Variants in FNBP4 observed in about 807,000 individuals in gnomAD.
The protein encoded by FNBP4 is formin binding protein 4.
Under a neutral mutation model 119.3 loss-of-function variants are expected in FNBP4, and 34 were observed. The observed-to-expected ratio is 0.28, with a 90% CI of 0.22 to 0.38. The LOEUF (loss-of-function observed/expected upper bound fraction) is 0.38. FNBP4 is among the 10% of genes least tolerant of loss of function. The probability of loss-of-function intolerance (pLI) is 1.00; values close to 1 mark genes in which losing one functional copy is unlikely to be tolerated. For synonymous variants in FNBP4, 462 were observed against 430.6 expected (o/e 1.07, Z -0.90); for missense variants, 1,112 against 1,228.9 (o/e 0.90, Z 1.42).
At chr11:47,752,592 TA>T in intron 4 of FNBP4, 1 of 189,856 alleles carries the variant, frequency 5.3e-6, no homozygotes, top group Non-Finnish European at 1.1e-5. Context: ...GCTGATTTCC[TA>T]AGCTCAGGAG....
Position 47,753,058 on chromosome 11 carries a change from T to C in FNBP4, c.495A>G (p.Gly165=). Residue 165 remains glycine, a synonymous_variant, in exon 4 of 17, where the codon GGA becomes GGG. Transcript: ENST00000263773. Reference sequence around the variant, plus strand: ...GTGGAGTTGGAGGTGGAGCAGAAGCTCCTACAGGAGCTGCAGGCTGAGGAG... The same window carrying C: ...GTGGAGTTGGAGGTGGAGCAGAAGCCCCTACAGGAGCTGCAGGCTGAGGAG... The part of the protein sequence containing the change: ...ITAPQPAAPV[G]ASAPPPTPPR... 6.2e-7 allele frequency: 1 copy of C among 1,614,048 alleles called. No homozygotes were observed. The highest frequency in any genetic ancestry group is 1.3e-5 in the African/African-American group (1 of 75,032).
intron 5 of FNBP4, 34 bp downstream of exon 5, chr11:47,751,109 T>C: frequency 6.2e-7 from 1 of 1,613,572 alleles, no homozygotes; most frequent in South Asian, 1.1e-5. Context: ...TTCAATTTCC[T>C]TCTAGGCAAT....
chr11:47,748,153 C>T (rs1260483840), intron 6 of FNBP4, among the ~76,000 whole-genome samples: 5 of 151,802 alleles, frequency 3.3e-5, no homozygotes, highest in Non-Finnish European at 5.9e-5. Context: ...GCAGGAGAAT[C>T]GCTTGAACCC....
At chr11:47,728,532 G>GT (rs2097563797) in intron 12 of FNBP4, among the ~76,000 whole-genome samples, 1 of 151,926 alleles carries the variant, frequency 6.6e-6, no homozygotes, top group Admixed American at 6.6e-5. Flanking sequence ...GCCGTGAGCT[G>GT]TAATTTTTCC....
intron 7 of FNBP4, 115 bp from the exon 8 acceptor site, chr11:47,744,278 C>T (rs1390052280): frequency 2.9e-5 from 23 of 783,490 alleles, no homozygotes; most frequent in Non-Finnish European, 3.8e-5. Context: ...ACAGAAAGCA[C>T]TTTTTTTTTT....
rs1382477919 is a variant in FNBP4 at position 47,750,713 on chromosome 11, A to G, written c.906+203T>C. Reference sequence around the variant, plus strand: ...CAAAAAAAAAAAAAAAAAAAAAAAAAAAAAGAAAAAAGAAAAAAGAAAAAG... The same window carrying G: ...CAAAAAAAAAAAAAAAAAAAAAAAAGAAAAGAAAAAAGAAAAAAGAAAAAG... On this transcript the variant is annotated intron_variant, in intron 6 of 16. Transcript: ENST00000263773. 6.9e-5 allele frequency among the ~76,000 whole-genome samples: 9 copies of G among 130,554 alleles called. No individual in the cohort carries two copies. The East Asian group carries it at 8.0e-4, about 12-fold the overall frequency. 85.6% of individuals were successfully genotyped at this position (130,554 alleles called of 152,430 possible). A position where few individuals can be genotyped will look rare whatever the true frequency, so the allele number is the denominator to read the frequency against.
chr11:47,746,013 T>C, intron 7 of FNBP4, 43 bp downstream of exon 7: 2 of 1,484,016 alleles, frequency 1.3e-6, no homozygotes, highest in Non-Finnish European at 1.8e-6. Flanking sequence ...TGTAGAGTAG[T>C]ACTGAGGAAA....
At chr11:47,740,052 G>A (rs903920076) in intron 8 of FNBP4, among the ~76,000 whole-genome samples, 1 of 151,670 alleles carries the variant, frequency 6.6e-6, no homozygotes, top group African/African-American at 2.4e-5. Flanking sequence ...CGTCTGTCTC[G>A]GTCTCCCAAA....
intron 6 of FNBP4, among the ~76,000 whole-genome samples, 196 bp downstream of exon 6, chr11:47,750,720 A>G (rs1365587823): frequency 6.7e-6 from 1 of 148,918 alleles, no homozygotes; most frequent in African/African-American, 2.5e-5. Context: ...AAAAAAAAGA[A>G]AAAAGAAAAA....
rs570818232 is a variant in FNBP4, at chr11:47,746,224, A to G, written c.1077T>C (p.Ser359=). Residue 359 remains serine (S), a synonymous_variant, in exon 7 of 17, where the codon AGT becomes AGC. Coordinates refer to ENST00000263773, the MANE Select transcript of FNBP4 (RefSeq NM_015308.5). ...EEPVSEVKET[S]TTVEEATTIV... is the part of the protein sequence containing the mutation. ...TTGTTGTTGCTTCTTCTACTGTTGTACTTGTTTCTTTTACTTCTGAAACTG... is the reference window on the plus strand; with the variant it reads ...TTGTTGTTGCTTCTTCTACTGTTGTGCTTGTTTCTTTTACTTCTGAAACTG... 1.9e-6 allele frequency: 3 copies of G among 1,614,030 alleles called. No homozygotes were observed. In the East Asian group the frequency reaches 6.7e-5, roughly 36 times the overall value.
chr11:47,726,986 A>C (rs1031128819), intron 12 of FNBP4: 1 of 152,346 alleles, frequency 6.6e-6, no homozygotes, highest in Non-Finnish European at 1.5e-5. Context: ...CTGCACTCGG[A>C]CCAGCCAGAT....
In FNBP4 at chr11:47,732,567, G is replaced by C; in HGVS notation, c.1790C>G (p.Thr597Ser). 6.2e-7 allele frequency: 1 copy of C among 1,614,176 alleles called. No individual in the cohort carries two copies. Among genetic ancestry groups the C allele is most frequent in the Non-Finnish European group, 8.5e-7 (1 of 1,180,036 alleles). Residue 597 changes from threonine to serine, a missense_variant, in exon 11 of 17, where the codon ACT becomes AGT. Around this residue, in one of 2 missense-constraint regions of FNBP4, gnomAD observed 826 missense variants for 988.8 expected, o/e 0.84. Coordinates refer to ENST00000263773, the MANE Select transcript of FNBP4 (RefSeq NM_015308.5). The surrounding 1 kb of genome is among the most constrained non-coding windows in gnomAD (Gnocchi z 4.2). ...EQLKQYEINA[T>S]PKGWSCHWDR... Reference sequence around the variant, plus strand: ...CCAGTGGCAGGACCAGCCTTTAGGAGTGGCGTTTATTTCATACTGTTTTAG... The same window carrying C: ...CCAGTGGCAGGACCAGCCTTTAGGACTGGCGTTTATTTCATACTGTTTTAG...
intron 3 of FNBP4, 52 bp downstream of exon 3, chr11:47,754,476 A>G (rs1403233833): frequency 3.8e-6 from 6 of 1,588,414 alleles, no homozygotes; most frequent in Non-Finnish European, 4.3e-6. Flanking sequence ...CTTAAGATCC[A>G]GGTCCCAAAG....
At chr11:47,745,551 G>A (rs2097588681) in intron 7 of FNBP4, among the ~76,000 whole-genome samples, 1 of 152,004 alleles carries the variant, frequency 6.6e-6, no homozygotes, top group Non-Finnish European at 1.5e-5. Flanking sequence ...CCTGTTTTCT[G>A]TTGTTTAAGA....
chr11:47,724,007 C>G (rs368064726), intron 14 of FNBP4, 21 bp downstream of exon 14: 110 of 1,605,612 alleles, frequency 6.9e-5, no homozygotes, highest in Non-Finnish European at 9.0e-5. Flanking sequence ...TGAGGAAAAA[C>G]CACGCTCTAT....
In FNBP4 at chr11:47,762,096, C is replaced by G. The variant is rs149106776; in HGVS notation, c.313+3174G>C. Among the ~76,000 whole-genome samples, 285 of 151,276 alleles carry G rather than the reference C, an allele frequency of 1.9e-3. 5 individuals carry two copies. The East Asian group carries it at 0.04, about 21-fold the overall frequency. On this transcript the variant is annotated intron_variant, in intron 2 of 16. Coordinates refer to ENST00000263773, the MANE Select transcript of FNBP4 (RefSeq NM_015308.5). ...CAGATGATCCGCCAGCTTCAGCCTC[C>G]CAAAGTGCTGGGATTAGAGGCGTGA...
rs746129522 is a variant in FNBP4 at position 47,744,052 on chromosome 11, T to G, written c.1357A>C (p.Arg453=). 15 of 1,614,048 alleles carry G rather than the reference T, an allele frequency of 9.3e-6. No homozygotes were observed. Among genetic ancestry groups the G allele is most frequent in the Non-Finnish European group, 1.3e-5 (15 of 1,180,042 alleles). ...CGAACAAACATCTTCCATTTTCCTC[T>G]TTTAGACATAAGCCTACGCATTCCA... ...QDGMRRLMSK[R]GKWKMFVRAT... Residue 453 remains arginine, a synonymous_variant, in exon 8 of 17, where the codon AGA becomes CGA. Transcript: ENST00000263773.
intron 15 of FNBP4, 62 bp from the exon 16 acceptor site, chr11:47,720,148 A>G (rs2097553914): frequency 6.8e-7 from 1 of 1,475,890 alleles, no homozygotes; most frequent in Non-Finnish European, 9.1e-7. Flanking sequence ...AGCGTCCTCT[A>G]CAATGGAGGT....
At chr11:47,763,780 G>A (rs757591874) in intron 2 of FNBP4, among the ~76,000 whole-genome samples, 2 of 152,136 alleles carry the variant, frequency 1.3e-5, no homozygotes, top group South Asian at 2.1e-4. Flanking sequence ...GATTACAAGC[G>A]TGAGCCACTG....
Sources: gnomAD v4.1 joint callset for allele counts (sites outside exome capture counted in the v4.1 genomes callset) on GRCh38, gnomAD v4.1.1 for gene constraint, gnomAD v4.1.1 regional missense constraint, Gnocchi (gnomAD v3.1) non-coding constraint, MANE v1.5 for transcripts, NCBI Gene and HGNC (gene_info 2026-07-23, HGNC 2026-07-21) for gene names.